Variants in DSCAML1 observed in about 807,000 individuals in gnomAD.
DSCAML1 encodes DS cell adhesion molecule like 1, also known as cell adhesion molecule DSCAML1.
DSCAML1 carries 38 observed loss-of-function variants against 200.5 expected under a neutral mutation model. The ratio of observed to expected loss-of-function variants is 0.19; its 90% CI spans 0.15 to 0.25. The LOEUF (loss-of-function observed/expected upper bound fraction) is 0.25. Ranked by LOEUF, DSCAML1 falls within the 10% of genes least tolerant of loss-of-function variation. The pLI, the probability that DSCAML1 is intolerant of heterozygous loss-of-function variation, is 1.00. For synonymous variants in DSCAML1, 1,215 were observed against 1,165.0 expected (o/e 1.04, Z -0.87); for missense variants, 2,223 against 2,858.8 (o/e 0.78, Z 5.07).
At chr11:117,459,103 C>G (rs2048429546) in intron 18 of DSCAML1, among the ~76,000 whole-genome samples, 194 bp from the exon 19 acceptor site, 1 of 152,248 alleles carries the variant, frequency 6.6e-6, no homozygotes, top group South Asian at 2.1e-4. Flanking sequence ...GGCCACGTCT[C>G]TCTAAGGGGC....
chr11:117,589,081 GCCCC>G (rs1367402838), intron 3 of DSCAML1, among the ~76,000 whole-genome samples: 1 of 152,198 alleles, frequency 6.6e-6, no homozygotes, highest in Non-Finnish European at 1.5e-5. Context: ...AGGCACAGAG[GCCCC>G]TATGTTAGCT....
In DSCAML1 at chr11:117,428,693, G is replaced by C; in HGVS notation, c.5797C>G (p.Leu1933Val). 1 of 1,613,144 alleles carries C rather than the reference G, an allele frequency of 6.2e-7. No homozygotes were observed. Among genetic ancestry groups the C allele is most frequent in the African/African-American group, 1.3e-5 (1 of 75,020 alleles). ...VPPREASIRNLARTYHTQARH... is the reference protein window; with the variant it reads ...VPPREASIRNVARTYHTQARH... ...GCCTGGGTGTGGTAGGTTCGAGCCA[G>C]GTTCCGGATGGAGGCCTCACGGGGT... Residue 1933 changes from leucine to valine, a missense_variant, in exon 33 of 33, where the codon CTG becomes GTG. By Grantham distance (32) the Leu-to-Val change is conservative. Around this residue, in one of 7 missense-constraint regions of DSCAML1, gnomAD observed 280 missense variants for 213.4 expected, o/e 1.31. Coordinates refer to ENST00000651296, the MANE Select transcript of DSCAML1 (RefSeq NM_020693.4).
At chr11:117,445,414 G>A (rs957612145) in intron 20 of DSCAML1, among the ~76,000 whole-genome samples, 24 of 152,320 alleles carry the variant, frequency 1.6e-4, no homozygotes, top group Non-Finnish European at 1.3e-4. Flanking sequence ...ACTGGTGTGC[G>A]TATCTGTCGT....
rs1203906954 is a variant in DSCAML1, at chr11:117,511,221, GGTGA to G, written c.1783+5242_1783+5245del. ...TTGGGAGAGAGGGTGTTTGTGTGTG[GGTGA>G]GTATGTCCCTCTTCCACTTGTCCTC... On this transcript the variant is annotated intron_variant, in intron 8 of 32. Transcript: ENST00000651296. Among the ~76,000 whole-genome samples, 5 of 152,184 alleles carry G rather than the reference GGTGA, an allele frequency of 3.3e-5. No individual in the cohort carries two copies. The South Asian group carries it at 8.3e-4, about 25-fold the overall frequency.
intron 1 of DSCAML1, among the ~76,000 whole-genome samples, chr11:117,811,112 C>T (rs1197770950): frequency 1.3e-5 from 2 of 152,166 alleles, no homozygotes; most frequent in Non-Finnish European, 2.9e-5. Context: ...GCAATTTACT[C>T]TTAAAAAGGT....
chr11:117,688,116 AAG>A (rs550584354), intron 3 of DSCAML1, among the ~76,000 whole-genome samples: 101 of 152,360 alleles, frequency 6.6e-4, no homozygotes, highest in Middle Eastern at 3.4e-3. Context: ...AAGGGGAGGG[AAG>A]AATGGAATTC....
chr11:117,551,630 T>C (rs1290840672), intron 3 of DSCAML1, among the ~76,000 whole-genome samples: 1 of 152,162 alleles, frequency 6.6e-6, no homozygotes, highest in Non-Finnish European at 1.5e-5. Context: ...TGTTTAGACC[T>C]GCCTCCTTGG....
intron 11 of DSCAML1, among the ~76,000 whole-genome samples, chr11:117,492,879 TTTGA>T (rs1298532254): frequency 6.6e-6 from 1 of 152,186 alleles, no homozygotes; most frequent in East Asian, 1.9e-4. Context: ...GCGTTGTTAA[TTTGA>T]TTGCACCCAC....
chr11:117,652,670 G>T (rs1189987962), intron 3 of DSCAML1, among the ~76,000 whole-genome samples: 1 of 152,170 alleles, frequency 6.6e-6, no homozygotes, highest in Non-Finnish European at 1.5e-5. Flanking sequence ...TCTTGCCTGG[G>T]CCCCCGAAGC....
At chr11:117,467,813 G>A (rs1000194494) in intron 16 of DSCAML1, among the ~76,000 whole-genome samples, 2 of 152,084 alleles carry the variant, frequency 1.3e-5, no homozygotes, top group African/African-American at 4.8e-5. Context: ...GTATCTTCAA[G>A]AGCCTGAGAC....
At position 117,471,965 on chromosome 11, in the gene DSCAML1, G is replaced by T; in HGVS notation, c.2857C>A (p.His953Asn). The change falls in exon 15 of 33, where the codon CAC (histidine) becomes AAC (asparagine). Residue 953 changes from histidine (H) to asparagine (N), a missense_variant. Coordinates refer to ENST00000651296, the MANE Select transcript of DSCAML1 (RefSeq NM_020693.4). ...TINQANIVDL[H>N]PASVYSIRMY... ...CGGATGCTGTACACAGATGCCGGGTGCAAGTCCACAATGTTGGCCTGGTTG... is the reference window on the plus strand; with the variant it reads ...CGGATGCTGTACACAGATGCCGGGTTCAAGTCCACAATGTTGGCCTGGTTG... 1.2e-6 allele frequency: 2 copies of T among 1,614,182 alleles called. No individual in the cohort carries two copies.
chr11:117,443,359 T>C (rs149791550), intron 21 of DSCAML1, among the ~76,000 whole-genome samples: 1 of 152,334 alleles, frequency 6.6e-6, no homozygotes, highest in African/African-American at 2.4e-5. Context: ...AGTGGGGCAC[T>C]CCCTAAGAGG....
Position 117,480,252 on chromosome 11 carries a change from G to A in DSCAML1, c.2785+191C>T, listed in dbSNP as rs977217503. Among the ~76,000 whole-genome samples the A allele has an allele frequency of 6.6e-6, 1 of 152,138 alleles. No individual in the cohort carries two copies. The highest frequency in any genetic ancestry group is 6.5e-5 in the Admixed American group (1 of 15,272). ...AACTGGGGGTCTCCATCTTCCACCC[G>A]GACTCCTAGCCCGGCCAGTGTCCCT... On this transcript the variant is annotated intron_variant, in intron 14 of 32. Coordinates refer to ENST00000651296, the MANE Select transcript of DSCAML1 (RefSeq NM_020693.4). The surrounding 1 kb of genome is among the most constrained non-coding windows in gnomAD (Gnocchi z 4.1).
At chr11:117,808,521 G>GGA (rs137918479) in intron 1 of DSCAML1, among the ~76,000 whole-genome samples, 6,522 of 152,236 alleles carry the variant, frequency 0.043, 339 homozygotes, top group African/African-American at 0.12. Flanking sequence ...GTGAGGTGAA[G>GGA]GAGAGAGAGA....
At chr11:117,605,302 G>T (rs1046613236) in intron 3 of DSCAML1, among the ~76,000 whole-genome samples, 20 of 152,074 alleles carry the variant, frequency 1.3e-4, no homozygotes, top group Admixed American at 1.2e-3. Context: ...CGATGAGACT[G>T]GAAAGATGGG....
At chr11:117,594,103 A>T (rs1212990625) in intron 3 of DSCAML1, among the ~76,000 whole-genome samples, 2 of 152,198 alleles carry the variant, frequency 1.3e-5, no homozygotes, top group Non-Finnish European at 1.5e-5. Flanking sequence ...AGCCTTTCTC[A>T]GTCTTGACAA....
intron 3 of DSCAML1, among the ~76,000 whole-genome samples, chr11:117,727,413 C>T (rs540713079): frequency 7.2e-5 from 11 of 152,218 alleles, no homozygotes; most frequent in Admixed American, 6.5e-4. Context: ...CCACACTTTC[C>T]ACCTTCCTAA....
intron 19 of DSCAML1, among the ~76,000 whole-genome samples, chr11:117,456,950 C>T: frequency 6.6e-6 from 1 of 152,154 alleles, no homozygotes; most frequent in East Asian, 1.9e-4. Flanking sequence ...GCTGGGATTA[C>T]AGGTGTGAGC....
intron 3 of DSCAML1, among the ~76,000 whole-genome samples, chr11:117,590,014 A>G (rs948404085): frequency 2.6e-5 from 4 of 152,300 alleles, no homozygotes; most frequent in African/African-American, 9.6e-5. Flanking sequence ...GGGTCTCACT[A>G]GGTATTTTTT....
Sources: allele counts gnomAD v4.1 joint callset (sites outside exome capture counted in the v4.1 genomes callset), GRCh38; gene constraint gnomAD v4.1.1; regional missense constraint gnomAD v4.1.1; non-coding constraint Gnocchi (gnomAD v3.1); transcripts MANE v1.5; gene names NCBI Gene and HGNC (gene_info 2026-07-23, HGNC 2026-07-21).